The following CELSR1 variants were observed in gnomAD, a reference collection of about 807,000 sequenced individuals.
CELSR1 encodes adhesion G protein-coupled receptor C1.
A neutral mutation model predicts 249.1 loss-of-function variants in CELSR1; 110 were observed. The ratio of observed to expected loss-of-function variants is 0.44; its 90% CI spans 0.38 to 0.52. The LOEUF is 0.52. Ranked by LOEUF, CELSR1 falls within the 20% of genes least tolerant of loss-of-function variation. The probability of loss-of-function intolerance (pLI) is 0.00; values close to 1 mark genes in which losing one functional copy is unlikely to be tolerated. For synonymous variants in CELSR1, 2,113 were observed against 1,900.0 expected, an observed-to-expected ratio of 1.11 and a Z score of -2.92; for missense variants, 4,109 against 4,296.4, an observed-to-expected ratio of 0.96 and a Z score of 1.22.
At position 46,535,757 on chromosome 22, in the gene CELSR1, C is replaced by A; in HGVS notation, c.1414G>T (p.Val472Leu). ...QNYVVQVPED[V>L]GLNTAVLRVQ... ...CGCAGCACAGCCGTGTTGAGCCCCA[C>A]GTCCTCGGGCACCTGGACCACGTAG... The change falls in exon 1 of 35, where the codon GTG (valine) becomes TTG (leucine). Residue 472 changes from valine (V) to leucine (L), a missense_variant. Val to Leu is a conservative substitution (Grantham distance 32). Transcript: ENST00000674500. 3 of 1,612,490 alleles carry A rather than the reference C, an allele frequency of 1.9e-6. No individual in the cohort carries two copies. In the South Asian group the frequency reaches 3.3e-5, roughly 18 times the overall value.
At position 46,534,394 on chromosome 22, in the gene CELSR1, C is replaced by A. The variant is rs765867356; in HGVS notation, c.2777G>T (p.Arg926Leu). ...ATDRDSGPNG[R>L]LLYTFQGGDD... Reference sequence around the variant, plus strand: ...CCCACCCTGGAAGGTGTACAGCAGACGCCCATTGGGACCTGAGTCCCGGTC... The same window carrying A: ...CCCACCCTGGAAGGTGTACAGCAGAAGCCCATTGGGACCTGAGTCCCGGTC... The change falls in exon 1 of 35, where the codon CGT becomes CTT. Residue 926 changes from arginine to leucine, a missense_variant. Transcript: ENST00000674500. The surrounding 1 kb of genome is among the most constrained non-coding windows in gnomAD (Gnocchi z 9.7). The A allele has an allele frequency of 1.2e-6, 2 of 1,612,742 alleles. No homozygotes were observed. The highest frequency in any genetic ancestry group is 2.2e-5 in the East Asian group (1 of 44,898).
rs2079622905 is a variant in CELSR1, at chr22:46,433,625, G to A, written c.4523-144C>T. The A allele has an allele frequency of 8.2e-6, 5 of 613,198 alleles. No individual in the cohort carries two copies. The highest frequency in any genetic ancestry group is 1.5e-5 in the Non-Finnish European group (5 of 340,316). 38.0% of individuals were successfully genotyped at this position (613,198 alleles called of 1,614,324 possible). A position where few individuals can be genotyped will look rare whatever the true frequency, so the allele number is the denominator to read the frequency against. ...CCCTCCCCACGGCACCATGGTGGGAGGCGCCCACCACTCCATCCATTTTCT... is the reference window on the plus strand; with the variant it reads ...CCCTCCCCACGGCACCATGGTGGGAAGCGCCCACCACTCCATCCATTTTCT... On this transcript the variant is annotated intron_variant, in intron 4 of 34. Transcript: ENST00000674500. This position sits in a 1 kb window ranked among gnomAD's most constrained non-coding sequence, Gnocchi z 5.7.
chr22:46,382,830 G>A (rs2078993595), intron 20 of CELSR1, among the ~76,000 whole-genome samples: 1 of 152,202 alleles, frequency 6.6e-6, no homozygotes, highest in Non-Finnish European at 1.5e-5. Flanking sequence ...TCCTCTTACA[G>A]GAGGTCCCTA....
At chr22:46,456,466 T>C (rs2079951221) in intron 2 of CELSR1, among the ~76,000 whole-genome samples, 1 of 151,796 alleles carries the variant, frequency 6.6e-6, no homozygotes, top group African/African-American at 2.4e-5. Flanking sequence ...GAGACCGTCA[T>C]GGTTAACAAG....
At chr22:46,481,521 C>T (rs1158962118) in intron 1 of CELSR1, 3 of 1,391,944 alleles carry the variant, frequency 2.2e-6, no homozygotes, top group South Asian at 1.3e-5. Flanking sequence ...GGTCCTGGAA[C>T]TTCTCCAGCT....
intron 1 of CELSR1, among the ~76,000 whole-genome samples, chr22:46,469,816 G>A (rs1020335774): frequency 1.6e-4 from 24 of 148,702 alleles, no homozygotes; most frequent in African/African-American, 5.5e-4. Flanking sequence ...ACCCGGCCTA[G>A]GGCTCTGATT....
rs1314946864 is a variant in CELSR1 at position 46,517,179 on chromosome 22, T to C, written c.3544+16448A>G. Among the ~76,000 whole-genome samples, 2 of 152,240 alleles carry C rather than the reference T, an allele frequency of 1.3e-5. No homozygotes were observed. Among genetic ancestry groups the C allele is most frequent in the Non-Finnish European group, 2.9e-5 (2 of 68,040 alleles). On this transcript the variant is annotated intron_variant, in intron 1 of 34. Transcript: ENST00000674500. The surrounding 1 kb of genome is among the most constrained non-coding windows in gnomAD (Gnocchi z 5.4). ...CCTCAGTTTTCCCAGCTGCAGAGCA[T>C]GGAGCTGCCAGGTGCAAGTTTGGCC... is the stretch of plus-strand genomic sequence containing the variant.
At chr22:46,483,631 G>A (rs1166217974) in intron 1 of CELSR1, among the ~76,000 whole-genome samples, 2 of 152,090 alleles carry the variant, frequency 1.3e-5, no homozygotes, top group East Asian at 1.9e-4. Context: ...AGCTACGTAA[G>A]TCTTTGCTCC....
At chr22:46,469,993 AG>A (rs2080138599) in intron 1 of CELSR1, among the ~76,000 whole-genome samples, 1 of 128,556 alleles carries the variant, frequency 7.8e-6, no homozygotes, top group African/African-American at 2.9e-5. Context: ...GAGGGGAGGG[AG>A]GGAGGGAGAG....
rs1193023700 is a variant in CELSR1 at position 46,419,630 on chromosome 22, G to A, written c.4612-7871C>T. On this transcript the variant is annotated intron_variant, in intron 5 of 34. Transcript: ENST00000674500. ...ACAGGAGAAAACTTCAGGAAGGATGGCAGGTGGGCTACAGTTCCCTCGAAA... is the reference window on the plus strand; with the variant it reads ...ACAGGAGAAAACTTCAGGAAGGATGACAGGTGGGCTACAGTTCCCTCGAAA... 2.0e-5 allele frequency among the ~76,000 whole-genome samples: 3 copies of A among 152,162 alleles called. 1 individual carries two copies. In the East Asian group the frequency reaches 5.8e-4, roughly 29 times the overall value.
At position 46,530,284 on chromosome 22, in the gene CELSR1, CAT is replaced by C. The variant is rs961878995; in HGVS notation, c.3544+3341_3544+3342del. The C allele has an allele frequency of 5.3e-5, 8 of 151,134 alleles. No homozygotes were observed. In the East Asian group the frequency reaches 9.7e-4, roughly 18 times the overall value. 9.4% of individuals were successfully genotyped at this position (151,134 alleles called of 1,614,324 possible). ...ACCCTGTCTCATACACACACACACA[CAT>C]ATATATATACACACACATAAATTTG... On this transcript the variant is annotated intron_variant, in intron 1 of 34. Coordinates refer to ENST00000674500, the MANE Select transcript of CELSR1 (RefSeq NM_001378328.1).
intron 18 of CELSR1, among the ~76,000 whole-genome samples, chr22:46,387,826 C>T (rs116812700): frequency 0.019 from 2,910 of 152,184 alleles, 91 homozygotes; most frequent in African/African-American, 0.066. Flanking sequence ...AGACATGTGG[C>T]GATGCCCCTG....
At chr22:46,375,197 C>T (rs561554526) in intron 24 of CELSR1, among the ~76,000 whole-genome samples, 1 of 152,308 alleles carries the variant, frequency 6.6e-6, no homozygotes, top group East Asian at 1.9e-4. Context: ...CGTTTCCCTT[C>T]CCAGGGCCGG....
chr22:46,455,101 C>T (rs1185797337), intron 2 of CELSR1, among the ~76,000 whole-genome samples: 1 of 152,182 alleles, frequency 6.6e-6, no homozygotes, highest in Non-Finnish European at 1.5e-5. Flanking sequence ...GAGTCAGATA[C>T]CACCTGGGGC....
At chr22:46,483,742 C>T (rs1444522588) in intron 1 of CELSR1, among the ~76,000 whole-genome samples, 1 of 152,134 alleles carries the variant, frequency 6.6e-6, no homozygotes, top group African/African-American at 2.4e-5. Context: ...AGGAACTGTG[C>T]CCAGGACACA....
intron 1 of CELSR1, among the ~76,000 whole-genome samples, chr22:46,531,509 T>C (rs1002332387): frequency 5.9e-4 from 90 of 152,324 alleles, no homozygotes; most frequent in South Asian, 1.7e-3. Context: ...CCTGGTCATA[T>C]GCCTGCTTTA....
intron 1 of CELSR1, among the ~76,000 whole-genome samples, chr22:46,478,369 T>C (rs1190912738): frequency 6.6e-6 from 1 of 152,128 alleles, no homozygotes. Context: ...AGGCAAAGAT[T>C]AAACGACAAA....
chr22:46,373,454 T>TG (rs1166675865), intron 24 of CELSR1, among the ~76,000 whole-genome samples: 47 of 68,940 alleles, frequency 6.8e-4, no homozygotes, highest in East Asian at 1.3e-3. Flanking sequence ...TGCTCGGGGT[T>TG]GGGGGGGCAG....
rs114101021 is a variant in CELSR1 at position 46,517,894 on chromosome 22, T to C, written c.3544+15733A>G. On this transcript the variant is annotated intron_variant, in intron 1 of 34. Coordinates refer to ENST00000674500, the MANE Select transcript of CELSR1 (RefSeq NM_001378328.1). This position sits in a 1 kb window ranked among gnomAD's most constrained non-coding sequence, Gnocchi z 5.4. ...TCTGTTTATTACACACCTCCCACGG[T>C]GTCCCCTTCCTTTTTTTTTTTTTTT... Among the ~76,000 whole-genome samples, 383 of 129,364 alleles carry C rather than the reference T, an allele frequency of 3.0e-3. 3 individuals carry two copies. The highest frequency in any genetic ancestry group is 0.011 in the African/African-American group (373 of 35,198). The allele number at this position is 129,364 out of a possible 152,430, so 84.9% of individuals were successfully genotyped here. A position where few individuals can be genotyped will look rare whatever the true frequency, so the allele number is the denominator to read the frequency against.
Sources: gnomAD v4.1 joint callset for allele counts (sites outside exome capture counted in the v4.1 genomes callset) on GRCh38, gnomAD v4.1.1 for gene constraint, Gnocchi (gnomAD v3.1) non-coding constraint, MANE v1.5 for transcripts, NCBI Gene and HGNC (gene_info 2026-07-23, HGNC 2026-07-21) for gene names.